The following DMXL1 variants were observed in gnomAD, a reference collection of about 807,000 sequenced individuals.
DMXL1 encodes the protein dmX-like protein 1.
A neutral mutation model predicts 319.2 loss-of-function variants in DMXL1; 99 were observed. That is an observed-to-expected ratio of 0.31 (90% CI 0.26 to 0.37). The LOEUF (loss-of-function observed/expected upper bound fraction) is 0.37, where lower values mean the gene tolerates loss of function less well. Ranked by LOEUF, DMXL1 falls within the 10% of genes least tolerant of loss-of-function variation. The pLI, the probability that DMXL1 is intolerant of heterozygous loss-of-function variation, is 1.00. For synonymous variants in DMXL1, 1,385 were observed against 1,235.2 expected (o/e 1.12, Z -2.54); for missense variants, 3,745 against 3,595.6 (o/e 1.04, Z -1.06).
intron 1 of DMXL1, among the ~76,000 whole-genome samples, chr5:119,088,562 C>G (rs1484155256): frequency 5.3e-5 from 8 of 152,170 alleles, no homozygotes; most frequent in African/African-American, 1.9e-4. Context: ...TTCTAGTCCT[C>G]TCTTCCTTTC....
At chr5:119,225,227 T>C (rs1169758334) in intron 38 of DMXL1, among the ~76,000 whole-genome samples, 3 of 152,064 alleles carry the variant, frequency 2.0e-5, no homozygotes, top group Non-Finnish European at 4.4e-5. Context: ...TATTACTTTT[T>C]TTCAGTTGGT....
intron 7 of DMXL1, among the ~76,000 whole-genome samples, chr5:119,117,868 A>T (rs1761183426): frequency 6.6e-6 from 1 of 152,226 alleles, no homozygotes; most frequent in African/African-American, 2.4e-5. Context: ...ACTAGACAAT[A>T]TTTTGATTTC....
In DMXL1 at chr5:119,212,752, A is replaced by AT. The variant is rs558937514; in HGVS notation, c.7927-4139dup. 4.6e-3 allele frequency among the ~76,000 whole-genome samples: 694 copies of AT among 150,420 alleles called. 13 individuals carry two copies. The highest frequency in any genetic ancestry group is 0.036 in the South Asian group (169 of 4,754). On this transcript the variant is annotated intron_variant, in intron 34 of 43. Transcript: ENST00000539542. ...ATCTTTTAAGACCATATTCATTGTG[A>AT]TTTTTTTTTTAACTATAATGTTATG...
intron 10 of DMXL1, among the ~76,000 whole-genome samples, 197 bp downstream of exon 10, chr5:119,129,620 G>A (rs182791047): frequency 1.2e-4 from 19 of 152,286 alleles, no homozygotes; most frequent in Non-Finnish European, 2.1e-4. Flanking sequence ...TTTAAGGACT[G>A]GGGGTTCTCA....
rs70982467 is a variant in DMXL1, at chr5:119,089,999, C to CTTTTTTTTTTTTTTTTTTTTTTTTT, written c.88-7966_88-7942dup. ...TGATTATTTTATGCTTCGGGTTAGT[C>CTTTTTTTTTTTTTTTTTTTTTTTTT]TTTTTTTTTTTTTTTTTTTTTTTTT... is the stretch of plus-strand genomic sequence containing the variant. On this transcript the variant is annotated intron_variant, in intron 1 of 43. Coordinates refer to ENST00000539542, the MANE Select transcript of DMXL1 (RefSeq NM_001290321.3). Among the ~76,000 whole-genome samples the CTTTTTTTTTTTTTTTTTTTTTTTTT allele has an allele frequency of 1.5e-4, 5 of 34,400 alleles. 2 individuals carry two copies. The highest frequency in any genetic ancestry group is 2.1e-4 in the Non-Finnish European group (4 of 18,758). 22.6% of individuals were successfully genotyped at this position (34,400 alleles called of 152,430 possible).
intron 35 of DMXL1, among the ~76,000 whole-genome samples, chr5:119,219,044 A>T (rs1275655252): frequency 1.3e-5 from 2 of 152,188 alleles, no homozygotes; most frequent in Non-Finnish European, 2.9e-5. Flanking sequence ...ATGCTGTTAG[A>T]AGACATACGA....
At chr5:119,150,618 C>T (rs1769562268) in intron 18 of DMXL1, among the ~76,000 whole-genome samples, 197 bp downstream of exon 18, 1 of 151,754 alleles carries the variant, frequency 6.6e-6, no homozygotes, top group Non-Finnish European at 1.5e-5. Context: ...GTTGAGACCC[C>T]CATCTCTATG....
At chr5:119,180,387 A>T (rs1474264975) in intron 28 of DMXL1, among the ~76,000 whole-genome samples, 1 of 152,078 alleles carries the variant, frequency 6.6e-6, no homozygotes, top group Non-Finnish European at 1.5e-5. Context: ...TAGAATCCTA[A>T]CATGACTTCT....
intron 4 of DMXL1, among the ~76,000 whole-genome samples, chr5:119,106,230 T>C (rs899410706): frequency 1.2e-4 from 18 of 152,182 alleles, no homozygotes; most frequent in African/African-American, 4.3e-4. Flanking sequence ...TTTTACATGG[T>C]GGCTGCATTC....
chr5:119,216,731 C>T (rs1783768406), intron 34 of DMXL1, among the ~76,000 whole-genome samples, 170 bp from the exon 35 acceptor site: 1 of 151,766 alleles, frequency 6.6e-6, no homozygotes, highest in South Asian at 2.1e-4. Flanking sequence ...TTAAATTTCC[C>T]ATGTCAAATT....
intron 32 of DMXL1, among the ~76,000 whole-genome samples, chr5:119,200,958 G>A (rs1033402445): frequency 6.6e-6 from 1 of 152,102 alleles, no homozygotes; most frequent in African/African-American, 2.4e-5. Flanking sequence ...TCAGATCTAG[G>A]AGCTTTTGGG....
chr5:119,077,235 T>G (rs978376845), intron 1 of DMXL1, among the ~76,000 whole-genome samples: 1 of 152,166 alleles, frequency 6.6e-6, no homozygotes, highest in Non-Finnish European at 1.5e-5. Flanking sequence ...CAGGTGAGCC[T>G]CCCTGTGATT....
intron 1 of DMXL1, among the ~76,000 whole-genome samples, chr5:119,093,403 T>G (rs1755233644): frequency 6.6e-6 from 1 of 152,184 alleles, no homozygotes; most frequent in South Asian, 2.1e-4. Flanking sequence ...CCCAAAGTGC[T>G]GGGATTACAG....
At chr5:119,194,685 A>G (rs1461729076) in intron 30 of DMXL1, among the ~76,000 whole-genome samples, 1 of 152,156 alleles carries the variant, frequency 6.6e-6, no homozygotes, top group Admixed American at 6.5e-5. Context: ...TGCTGAATGA[A>G]TTTTACTTTT....
intron 1 of DMXL1, among the ~76,000 whole-genome samples, chr5:119,085,431 T>C (rs1463489422): frequency 6.6e-6 from 1 of 152,126 alleles, no homozygotes; most frequent in East Asian, 1.9e-4. Context: ...GATTGCTTTC[T>C]GATTTCTTTG....
chr5:119,196,567 C>T (rs1454136000), intron 31 of DMXL1, 111 bp downstream of exon 31: 8 of 727,864 alleles, frequency 1.1e-5, no homozygotes, highest in Admixed American at 2.5e-5. Flanking sequence ...TAGTGATTTC[C>T]TGTTACAGAA....
intron 1 of DMXL1, among the ~76,000 whole-genome samples, chr5:119,091,600 A>G (rs1482464734): frequency 6.6e-6 from 1 of 152,086 alleles, no homozygotes; most frequent in African/African-American, 2.4e-5. Flanking sequence ...TATATTGGAT[A>G]TCTTTACTTG....
At chr5:119,150,511 A>G in intron 18 of DMXL1, 90 bp downstream of exon 18, 1 of 1,384,788 alleles carries the variant, frequency 7.2e-7, no homozygotes, top group Non-Finnish European at 9.6e-7. Flanking sequence ...GCCATTGGCT[A>G]GGCACAGGGG....
At chr5:119,213,623 A>G (rs1783177352) in intron 34 of DMXL1, among the ~76,000 whole-genome samples, 1 of 152,202 alleles carries the variant, frequency 6.6e-6, no homozygotes, top group Non-Finnish European at 1.5e-5. Flanking sequence ...GAAACACCAT[A>G]AACAAACCAC....
Sources: gnomAD v4.1 joint callset for allele counts (sites outside exome capture counted in the v4.1 genomes callset) on GRCh38, gnomAD v4.1.1 for gene constraint, MANE v1.5 for transcripts, NCBI Gene and HGNC (gene_info 2026-07-23, HGNC 2026-07-21) for gene names.